The following NPFFR2 variants were observed in gnomAD, a reference collection of about 807,000 sequenced individuals.
NPFFR2 encodes the protein G-protein coupled receptor 74.
In NPFFR2, 15 loss-of-function variants were observed where a neutral mutation model predicts 13.1. The ratio of observed to expected loss-of-function variants is 1.15; its 90% CI spans 0.77 to 1.76. The LOEUF (loss-of-function observed/expected upper bound fraction) is 1.76, where lower values mean the gene tolerates loss of function less well. Ranked by LOEUF, NPFFR2 falls within the 40% of genes most tolerant of loss-of-function variation. NPFFR2 has a pLI of 0.00. For synonymous variants in NPFFR2, 190 were observed against 175.7 expected, an observed-to-expected ratio of 1.08 and a Z score of -0.65; for missense variants, 572 against 503.5, an observed-to-expected ratio of 1.14 and a Z score of -1.30.
At chr4:72,046,078 G>A (rs960965840) in intron 1 of NPFFR2, among the ~76,000 whole-genome samples, 8 of 152,012 alleles carry the variant, frequency 5.3e-5, no homozygotes, top group Admixed American at 3.9e-4. Flanking sequence ...ATAATCATGT[G>A]GTAAATACCA....
chr4:72,114,249 T>G (rs1326451645), intron 1 of NPFFR2, among the ~76,000 whole-genome samples: 2 of 152,062 alleles, frequency 1.3e-5, no homozygotes, highest in African/African-American at 4.8e-5. Context: ...TCAAGAAATA[T>G]CCCTATTCCA....
intron 1 of NPFFR2, among the ~76,000 whole-genome samples, chr4:72,107,586 A>G (rs375717664): frequency 6.6e-6 from 1 of 152,002 alleles, no homozygotes; most frequent in East Asian, 1.9e-4. Flanking sequence ...TGTATAAAGC[A>G]ATTAGCTTAG....
chr4:72,103,435 C>T (rs1432773397), intron 1 of NPFFR2, among the ~76,000 whole-genome samples: 4 of 152,084 alleles, frequency 2.6e-5, no homozygotes, highest in Non-Finnish European at 5.9e-5. Context: ...TTACCAGTTG[C>T]CAATGCCTTG....
chr4:72,069,836 T>C (rs1251839152), intron 1 of NPFFR2, among the ~76,000 whole-genome samples: 1 of 152,124 alleles, frequency 6.6e-6, no homozygotes, highest in Non-Finnish European at 1.5e-5. Context: ...TTTTAAAAGT[T>C]ACAGAATACC....
intron 1 of NPFFR2, among the ~76,000 whole-genome samples, chr4:72,045,999 C>A (rs1393557346): frequency 6.6e-6 from 1 of 151,878 alleles, no homozygotes; most frequent in Non-Finnish European, 1.5e-5. Flanking sequence ...ATGTTTATTG[C>A]AGTATTATTT....
intron 1 of NPFFR2, among the ~76,000 whole-genome samples, chr4:72,036,991 C>T (rs1179127898): frequency 1.3e-5 from 2 of 152,128 alleles, no homozygotes; most frequent in Non-Finnish European, 2.9e-5. Flanking sequence ...CACCCTGTCT[C>T]CTTGCTAAAT....
chr4:72,113,555 T>G (rs1721625955), intron 1 of NPFFR2, among the ~76,000 whole-genome samples: 1 of 152,132 alleles, frequency 6.6e-6, no homozygotes, highest in Admixed American at 6.6e-5. Context: ...ATATACTTTT[T>G]ATTGCTAAAA....
intron 1 of NPFFR2, among the ~76,000 whole-genome samples, chr4:72,100,095 T>G (rs1332891527): frequency 2.6e-5 from 4 of 152,220 alleles, no homozygotes; most frequent in Admixed American, 2.6e-4. Context: ...ACTCAGTGAA[T>G]GTATTTTCAA....
intron 1 of NPFFR2, among the ~76,000 whole-genome samples, chr4:72,045,970 T>A (rs537566069): frequency 6.6e-6 from 1 of 152,192 alleles, no homozygotes; most frequent in South Asian, 2.1e-4. Context: ...TATATATGCA[T>A]AAGGAGATAT....
chr4:72,128,165 G>C (rs1000935524), intron 1 of NPFFR2, among the ~76,000 whole-genome samples: 2 of 152,178 alleles, frequency 1.3e-5, no homozygotes, highest in Admixed American at 6.5e-5. Context: ...CAAAAATGTA[G>C]ACCTCGTATC....
chr4:72,085,088 A>T (rs1047639236), intron 1 of NPFFR2, among the ~76,000 whole-genome samples: 7 of 152,252 alleles, frequency 4.6e-5, no homozygotes, highest in African/African-American at 1.7e-4. Context: ...TTCATAAAAT[A>T]ATGGTAAATC....
chr4:72,062,595 G>C (rs969394240), intron 1 of NPFFR2, among the ~76,000 whole-genome samples: 3 of 151,382 alleles, frequency 2.0e-5, no homozygotes, highest in African/African-American at 7.3e-5. Context: ...TGAAATTGTA[G>C]CTTCTTGCAT....
chr4:72,047,181 A>T (rs1485119652), intron 1 of NPFFR2, among the ~76,000 whole-genome samples: 2 of 39,468 alleles, frequency 5.1e-5, no homozygotes, highest in Non-Finnish European at 1.4e-4. Context: ...AAAGAATTAA[A>T]AAAAAAAAAG....
chr4:72,147,923 T>A lies in NPFFR2; in HGVS notation c.*111T>A. ...CAAAGAATGTTCTAAATAAAACATT[T>A]ACTGAAAGCCCTCTCTGGCAAAAAA... On this transcript the variant is annotated 3_prime_UTR_variant, in exon 4 of 4. Coordinates refer to ENST00000308744, the MANE Select transcript of NPFFR2 (RefSeq NM_004885.3). The A allele has an allele frequency of 1.2e-6, 1 of 827,696 alleles. No homozygotes were observed. The highest frequency in any genetic ancestry group is 1.8e-6 in the Non-Finnish European group (1 of 569,550). 51.3% of individuals were successfully genotyped at this position (827,696 alleles called of 1,614,324 possible).
rs566246108 is a variant in NPFFR2, at chr4:72,056,778, G to T, written c.-8+24578G>T. 2.4e-4 allele frequency among the ~76,000 whole-genome samples: 37 copies of T among 152,110 alleles called. No individual in the cohort carries two copies. In the South Asian group the frequency reaches 5.6e-3, roughly 23 times the overall value. On this transcript the variant is annotated intron_variant, in intron 1 of 3. Coordinates refer to ENST00000308744, the MANE Select transcript of NPFFR2 (RefSeq NM_004885.3). ...TCAGGGATGATTTTGAGAAGTTGAA[G>T]ACTTCAGTGGAGGAAGTAACTGTGG...
chr4:72,101,026 C>T (rs1341460642), intron 1 of NPFFR2, among the ~76,000 whole-genome samples: 1 of 151,836 alleles, frequency 6.6e-6, no homozygotes, highest in African/African-American at 2.4e-5. Context: ...AAAACAACTG[C>T]TTGAAAACAG....
In NPFFR2 at chr4:72,128,879, A is replaced by T. The variant is rs186834987; in HGVS notation, c.288A>T (p.Ile96=). 2 of 1,613,932 alleles carry T rather than the reference A, an allele frequency of 1.2e-6. No individual in the cohort carries two copies. Among genetic ancestry groups the T allele is most frequent in the East Asian group, 4.5e-5 (2 of 44,854 alleles). Residue 96 remains isoleucine (I), a synonymous_variant, in exon 2 of 4, where the codon ATA becomes ATT. Coordinates refer to ENST00000308744, the MANE Select transcript of NPFFR2 (RefSeq NM_004885.3). The part of the protein sequence containing the change: ...NLAISDLLVG[I]FCMPITLLDN... ...CCATAAGTGATTTACTAGTTGGCAT[A>T]TTCTGCATGCCTATAACACTGCTGG...
chr4:72,059,182 C>G (rs1207084957), intron 1 of NPFFR2, among the ~76,000 whole-genome samples: 2 of 151,974 alleles, frequency 1.3e-5, no homozygotes, highest in Non-Finnish European at 2.9e-5. Context: ...TTTCTGCTTA[C>G]CAGGTCTGAT....
chr4:72,123,941 G>T (rs1381338751), intron 1 of NPFFR2, among the ~76,000 whole-genome samples: 2 of 152,126 alleles, frequency 1.3e-5, no homozygotes, highest in Non-Finnish European at 2.9e-5. Flanking sequence ...AAGCAATAAG[G>T]TGTATTCAAT....
Sources: allele counts gnomAD v4.1 joint callset (sites outside exome capture counted in the v4.1 genomes callset), GRCh38; gene constraint gnomAD v4.1.1; transcripts MANE v1.5; gene names NCBI Gene and HGNC (gene_info 2026-07-23, HGNC 2026-07-21).